ZNF736: variants seen among roughly 807,000 people sequenced by gnomAD.
ZNF736 encodes KRAB-containing zinc-finger repressor protein.
In ZNF736, 6 loss-of-function variants were observed where a neutral mutation model predicts 11.7. The ratio of observed to expected loss-of-function variants is 0.51; its 90% CI spans 0.28 to 1.01. ZNF736 has a LOEUF of 1.01. ZNF736 is among the 50% of genes least tolerant of loss of function. The pLI is 0.09. For missense variants in ZNF736, 444 were observed against 496.0 expected (o/e 0.90, Z 1.00); for synonymous variants, 139 against 164.7 (o/e 0.84, Z 1.19).
chr7:64,343,174 AGAG>A (rs1478696751), intron 3 of ZNF736, among the ~76,000 whole-genome samples: 20 of 152,182 alleles, frequency 1.3e-4, no homozygotes. Context: ...GTTGCCCATC[AGAG>A]GTGGATTGGA....
chr7:64,343,129 A>G (rs1401440712), intron 3 of ZNF736, among the ~76,000 whole-genome samples: 5 of 152,170 alleles, frequency 3.3e-5, no homozygotes, highest in Non-Finnish European at 7.4e-5. Flanking sequence ...TTCAAACTTT[A>G]TTGTCTTCAA....
At chr7:64,316,664 C>G (rs1392810692) in intron 1 of ZNF736, among the ~76,000 whole-genome samples, 3 of 151,722 alleles carry the variant, frequency 2.0e-5, no homozygotes, top group African/African-American at 4.8e-5. Flanking sequence ...TTGTCACCTT[C>G]AATATATATG....
chr7:64,316,000 T>C (rs11773568), intron 1 of ZNF736, among the ~76,000 whole-genome samples: 36,601 of 152,110 alleles, frequency 0.24, 4,685 homozygotes, highest in African/African-American at 0.29. Context: ...CCTCTCATCT[T>C]CTCTAGGCAC....
chr7:64,323,898 TAA>T (rs1278557159), intron 1 of ZNF736, among the ~76,000 whole-genome samples: 3 of 152,134 alleles, frequency 2.0e-5, no homozygotes, highest in African/African-American at 7.2e-5. Flanking sequence ...TTGATTTTTT[TAA>T]AAAAGTAAAA....
intron 3 of ZNF736, chr7:64,337,192 GTGTGTGTGTGT>G (rs1789264123): frequency 7.6e-6 from 4 of 527,930 alleles, no homozygotes; most frequent in Middle Eastern, 5.1e-4. Context: ...TCAGTAATGT[GTGTGTGTGTGT>G]TGTGTGTGTG....
rs1400725926 is a variant in ZNF736 at position 64,348,219 on chromosome 7, G to A, written c.356G>A (p.Ser119Asn). Residue 119 changes from serine (S) to asparagine (N), a missense_variant, in exon 4 of 4, where the codon AGT (serine) becomes AAT (asparagine). Ser to Asn is a conservative substitution (Grantham distance 46). Transcript: ENST00000423484. ...TTACATTTAAAGAAAGACTACCAAA[G>A]TGTGGGTAATTGCAAGGGGCAGAAA... ...NNLHLKKDYQ[S>N]VGNCKGQKSS... 1.3e-6 allele frequency: 2 copies of A among 1,551,862 alleles called. No individual in the cohort carries two copies. The highest frequency in any genetic ancestry group is 2.0e-5 in the Admixed American group (1 of 51,000).
In ZNF736 at chr7:64,348,123, C is replaced by T. The variant is rs184230128; in HGVS notation, c.260C>T (p.Pro87Leu). 25 of 1,537,038 alleles carry T rather than the reference C, an allele frequency of 1.6e-5. No homozygotes were observed. Among genetic ancestry groups the T allele is most frequent in the African/African-American group, 6.9e-5 (5 of 72,094 alleles). ...TTTCATTTTACTGCAGAGATATTGCCGGATCATGACATAAAAGATTCATTT... is the reference window on the plus strand; with the variant it reads ...TTTCATTTTACTGCAGAGATATTGCTGGATCATGACATAAAAGATTCATTT... ...GSFHFTAEIL[P>L]DHDIKDSFQK... Residue 87 changes from proline (P) to leucine (L), a missense_variant, in exon 4 of 4, where the codon CCG becomes CTG. By Grantham distance (98) the Pro-to-Leu change is moderately conservative. Coordinates refer to ENST00000423484, the MANE Select transcript of ZNF736 (RefSeq NM_001170905.3).
At chr7:64,331,693 C>T (rs900406241) in intron 1 of ZNF736, among the ~76,000 whole-genome samples, 2 of 152,120 alleles carry the variant, frequency 1.3e-5, no homozygotes, top group Admixed American at 6.5e-5. Flanking sequence ...AAGGTGAGCC[C>T]GGGGTCAATC....
In ZNF736 at chr7:64,348,720, A is replaced by T. The variant is rs1789445962; in HGVS notation, c.857A>T (p.Lys286Ile). The T allele has an allele frequency of 6.2e-7, 1 of 1,606,750 alleles. No homozygotes were observed. The highest frequency in any genetic ancestry group is 8.5e-7 in the Non-Finnish European group (1 of 1,176,652). ...ATTCATACTGGAGAGAAACCCTACA[A>T]ATGTGAAGAATGTAACAAAGCCTAT... ...KRIHTGEKPY[K>I]CEECNKAYRW... The change falls in exon 4 of 4, where the codon AAA becomes ATA. Residue 286 changes from lysine (K) to isoleucine (I), a missense_variant. Transcript: ENST00000423484.
Position 64,314,035 on chromosome 7 carries a change from C to A in ZNF736, c.-116C>A. On this transcript the variant is annotated 5_prime_UTR_variant, in exon 1 of 4. Coordinates refer to ENST00000423484, the MANE Select transcript of ZNF736 (RefSeq NM_001170905.3). Reference sequence around the variant, plus strand: ...GATCCTAGTTCGCGTCTCCACTGTTCCATCTCCTCCGTTCCTGGAGTTCCT... The same window carrying A: ...GATCCTAGTTCGCGTCTCCACTGTTACATCTCCTCCGTTCCTGGAGTTCCT... 2 of 1,429,252 alleles carry A rather than the reference C, an allele frequency of 1.4e-6. No homozygotes were observed. Among genetic ancestry groups the A allele is most frequent in the Non-Finnish European group, 1.9e-6 (2 of 1,037,832 alleles). 88.5% of individuals were successfully genotyped at this position (1,429,252 alleles called of 1,614,324 possible). A position where few individuals can be genotyped will look rare whatever the true frequency, so the allele number is the denominator to read the frequency against.
chr7:64,346,743 A>G (rs1186305957), intron 3 of ZNF736, among the ~76,000 whole-genome samples: 1 of 151,918 alleles, frequency 6.6e-6, no homozygotes, highest in African/African-American at 2.4e-5. Context: ...GTTGAAGTGC[A>G]TATTAGTCTT....
chr7:64,335,698 G>T (rs1789239215), intron 1 of ZNF736, among the ~76,000 whole-genome samples: 1 of 152,054 alleles, frequency 6.6e-6, no homozygotes. Context: ...GAAAATGAAG[G>T]CTCTCGTCTT....
At chr7:64,330,498 T>C (rs1215804294) in intron 1 of ZNF736, among the ~76,000 whole-genome samples, 1 of 151,722 alleles carries the variant, frequency 6.6e-6, no homozygotes, top group Non-Finnish European at 1.5e-5. Flanking sequence ...GTTCCAGAAA[T>C]GTCATCCAGG....
chr7:64,322,769 T>C (rs1394281648), intron 1 of ZNF736, among the ~76,000 whole-genome samples: 1 of 152,144 alleles, frequency 6.6e-6, no homozygotes, highest in Non-Finnish European at 1.5e-5. Flanking sequence ...GACTTGAAAA[T>C]TAAAATATTT....
At chr7:64,334,044 A>G (rs909287700) in intron 1 of ZNF736, among the ~76,000 whole-genome samples, 4 of 152,210 alleles carry the variant, frequency 2.6e-5, no homozygotes, top group Admixed American at 2.6e-4. Flanking sequence ...GCAATGGGGA[A>G]TGGATTCCCT....
rs11412946 is a variant in ZNF736 at position 64,333,658 on chromosome 7, G to GAAA, written c.4-2593_4-2591dup. Among the ~76,000 whole-genome samples, 66 of 150,610 alleles carry GAAA rather than the reference G, an allele frequency of 4.4e-4. No homozygotes were observed. In the East Asian group the frequency reaches 8.4e-3, roughly 19 times the overall value. On this transcript the variant is annotated intron_variant, in intron 1 of 3. Transcript: ENST00000423484. ...AAGGAAGTAAAAGAGGACACAAATGGAAAAAAAAAATCCGTGCTCATGGAT... is the reference window on the plus strand; with the variant it reads ...AAGGAAGTAAAAGAGGACACAAATGGAAAAAAAAAAAAATCCGTGCTCATGGAT...
At chr7:64,320,352 A>G (rs1049638703) in intron 1 of ZNF736, among the ~76,000 whole-genome samples, 5 of 152,234 alleles carry the variant, frequency 3.3e-5, no homozygotes, top group African/African-American at 7.2e-5. Context: ...AAAGCTGTCT[A>G]TGGGAGTAGA....
chr7:64,329,126 T>G (rs1191622464), intron 1 of ZNF736, among the ~76,000 whole-genome samples: 1 of 151,982 alleles, frequency 6.6e-6, no homozygotes, highest in Non-Finnish European at 1.5e-5. Flanking sequence ...ATTATCAATT[T>G]TATTGGATCC....
chr7:64,348,434 CATAAG>C lies in ZNF736; in HGVS notation c.573_577del (p.His191GlnfsTer12). ...TAGGTTGTTCTCAGATTTTACTAGA[CATAAG>C]AAAATTCATACTGTAGAGAGATGCT... On this transcript the variant is annotated frameshift_variant, in exon 4 of 4. Coordinates refer to ENST00000423484, the MANE Select transcript of ZNF736 (RefSeq NM_001170905.3). LOFTEE classifies it low-confidence loss of function (END_TRUNC). 1 of 1,550,522 alleles carries C rather than the reference CATAAG, an allele frequency of 6.4e-7. No homozygotes were observed. The highest frequency in any genetic ancestry group is 8.7e-7 in the Non-Finnish European group (1 of 1,147,008).
Sources: allele counts gnomAD v4.1 joint callset (sites outside exome capture counted in the v4.1 genomes callset), GRCh38; gene constraint gnomAD v4.1.1; transcripts MANE v1.5; gene names NCBI Gene and HGNC (gene_info 2026-07-23, HGNC 2026-07-21).